Variants in CALN1 observed in about 807,000 individuals in gnomAD.
CALN1 encodes calcium-binding protein 8.
Under a neutral mutation model 30.6 loss-of-function variants are expected in CALN1, and 17 were observed. The ratio of observed to expected loss-of-function variants is 0.56; its 90% confidence interval spans 0.38 to 0.83. The LOEUF is 0.83. CALN1 is among the 40% of genes least tolerant of loss of function. CALN1 has a pLI of 0.00. For missense variants in CALN1, 291 were observed against 354.9 expected, an observed-to-expected ratio of 0.82 and a Z score of 1.45; for synonymous variants, 156 against 131.4, an observed-to-expected ratio of 1.19 and a Z score of -1.28.
rs536628117 is a variant in CALN1 at position 72,236,969 on chromosome 7, CT to C, written c.244+41716del. Among the ~76,000 whole-genome samples, 931 of 148,620 alleles carry C rather than the reference CT, an allele frequency of 6.3e-3. 14 individuals are homozygous for C. Among genetic ancestry groups the C allele is most frequent in the African/African-American group, 0.022 (880 of 40,546 alleles). The stretch of plus-strand genomic sequence containing the variant: ...AGGTGAAGTCTGACCTAGTTGGGAA[CT>C]TTTTTTTTTCTATTTTTATTTTTTT... On this transcript the variant is annotated intron_variant, in intron 3 of 6. Coordinates refer to ENST00000395275, the MANE Select transcript of CALN1 (RefSeq NM_031468.4).
chr7:72,114,424 T>C (rs1326398634), intron 3 of CALN1, among the ~76,000 whole-genome samples: 1 of 151,482 alleles, frequency 6.6e-6, no homozygotes, highest in Non-Finnish European at 1.5e-5. Flanking sequence ...GTCTGAGTGA[T>C]ACCCTGGTGA....
chr7:72,308,373 G>GGGA (rs1799804258), intron 2 of CALN1, among the ~76,000 whole-genome samples: 8 of 18,488 alleles, frequency 4.3e-4, no homozygotes, highest in Non-Finnish European at 9.8e-4. Flanking sequence ...GTGGGGGGGG[G>GGGA]AGAGAGAGAG....
At chr7:72,227,127 G>A (rs1489636996) in intron 3 of CALN1, among the ~76,000 whole-genome samples, 1 of 151,956 alleles carries the variant, frequency 6.6e-6, no homozygotes, top group African/African-American at 2.4e-5. Context: ...ATTGGGTACT[G>A]TGCTCGCTAC....
chr7:72,355,063 C>T (rs1307087221), intron 2 of CALN1, among the ~76,000 whole-genome samples: 1 of 152,124 alleles, frequency 6.6e-6, no homozygotes, highest in Non-Finnish European at 1.5e-5. Context: ...CTTGCGCCAC[C>T]ATGCCCGGCT....
chr7:72,287,737 C>T (rs1296341447), intron 2 of CALN1, among the ~76,000 whole-genome samples: 4 of 152,150 alleles, frequency 2.6e-5, no homozygotes, highest in East Asian at 1.9e-4. Context: ...TGAGCCACTA[C>T]GCCCAGCCTA....
intron 3 of CALN1, among the ~76,000 whole-genome samples, chr7:72,225,457 C>A (rs1374317863): frequency 1.3e-5 from 2 of 152,008 alleles, no homozygotes; most frequent in East Asian, 2.0e-4. Flanking sequence ...CAGGGCTTTC[C>A]GCCGTGTTGG....
intron 3 of CALN1, among the ~76,000 whole-genome samples, chr7:72,192,131 C>A (rs1290713628): frequency 6.6e-6 from 1 of 152,124 alleles, no homozygotes. Flanking sequence ...GGTCGGACAT[C>A]ATACAGCATT....
At chr7:72,350,670 C>A (rs987041524) in intron 2 of CALN1, among the ~76,000 whole-genome samples, 9 of 152,084 alleles carry the variant, frequency 5.9e-5, no homozygotes, top group African/African-American at 2.2e-4. Flanking sequence ...AAACTACCTA[C>A]CAGATACTAT....
chr7:72,008,313 T>C (rs1315553922), intron 5 of CALN1, among the ~76,000 whole-genome samples: 2 of 152,096 alleles, frequency 1.3e-5, no homozygotes, highest in Non-Finnish European at 2.9e-5. Flanking sequence ...AATGAAAATA[T>C]TATCTACAAT....
At chr7:71,900,876 G>A (rs191297868) in intron 5 of CALN1, among the ~76,000 whole-genome samples, 3 of 152,296 alleles carry the variant, frequency 2.0e-5, no homozygotes, top group African/African-American at 7.2e-5. Flanking sequence ...GACATATGTA[G>A]TAGCATGTAC....
intron 5 of CALN1, among the ~76,000 whole-genome samples, chr7:72,012,454 G>A (rs1800134573): frequency 6.6e-6 from 1 of 152,222 alleles, no homozygotes; most frequent in Non-Finnish European, 1.5e-5. Flanking sequence ...GGAGGGTGCA[G>A]TGAGCCGAGG....
At chr7:72,279,277 A>T (rs1181321903) in intron 2 of CALN1, among the ~76,000 whole-genome samples, 3 of 152,214 alleles carry the variant, frequency 2.0e-5, no homozygotes, top group Non-Finnish European at 4.4e-5. Context: ...CAGATAATAT[A>T]GGCATTGCAC....
chr7:72,337,014 A>G (rs1036600737), intron 2 of CALN1: 48 of 985,042 alleles, frequency 4.9e-5, no homozygotes, highest in Non-Finnish European at 5.5e-5. Context: ...TCGTCTGGGG[A>G]CGTGTGCCCC....
intron 5 of CALN1, among the ~76,000 whole-genome samples, chr7:71,921,275 G>A (rs1435269754): frequency 6.6e-6 from 1 of 151,964 alleles, no homozygotes; most frequent in Non-Finnish European, 1.5e-5. Flanking sequence ...CAGGTTGATG[G>A]GTGCAGCAAA....
intron 6 of CALN1, among the ~76,000 whole-genome samples, chr7:71,809,747 G>A (rs769514043): frequency 6.6e-5 from 10 of 151,480 alleles, no homozygotes; most frequent in Non-Finnish European, 1.3e-4. Flanking sequence ...CCTTTCATGG[G>A]TCTCTTTTTT....
At chr7:71,846,835 A>ATATG (rs34506098) in intron 5 of CALN1, among the ~76,000 whole-genome samples, 80,217 of 144,142 alleles carry the variant, frequency 0.56, 23,935 homozygotes, top group East Asian at 0.85. Context: ...GTGTATATAC[A>ATATG]TGTGTATATA....
At chr7:72,311,664 T>A (rs1045937419) in intron 2 of CALN1, among the ~76,000 whole-genome samples, 5 of 141,946 alleles carry the variant, frequency 3.5e-5, no homozygotes, top group Admixed American at 1.4e-4. Flanking sequence ...TTTTTTTTTT[T>A]TTTTTTTTTT....
chr7:71,841,664 T>C (rs963306740), intron 5 of CALN1, among the ~76,000 whole-genome samples: 3 of 152,224 alleles, frequency 2.0e-5, no homozygotes, highest in Non-Finnish European at 2.9e-5. Flanking sequence ...TGGAATACTA[T>C]GCAGCCATAG....
intron 2 of CALN1, among the ~76,000 whole-genome samples, chr7:72,395,355 GCGCGCA>G (rs1328167279): frequency 1.4e-4 from 21 of 147,594 alleles, no homozygotes; most frequent in African/African-American, 4.7e-4. Context: ...CTGCGCACGC[GCGCGCA>G]CACACACACA....
Sources: gnomAD v4.1 joint callset for allele counts (sites outside exome capture counted in the v4.1 genomes callset) on GRCh38, gnomAD v4.1.1 for gene constraint, MANE v1.5 for transcripts, NCBI Gene and HGNC (gene_info 2026-07-23, HGNC 2026-07-21) for gene names.